Variants in SPMIP11 observed in about 807,000 individuals in gnomAD.
SPMIP11 encodes sperm microtubule inner protein 11.
the SPMIP11 span, among the ~76,000 whole-genome samples, chr12:48,738,507 T>C: frequency 4.6e-5 from 7 of 151,874 alleles, no homozygotes; most frequent in African/African-American, 1.4e-4. Flanking sequence ...TTGAGTATTC[T>C]TATATGGCAC....
the SPMIP11 span, among the ~76,000 whole-genome samples, chr12:48,753,692 CT>C: frequency 0.061 from 7,210 of 118,738 alleles, 74 homozygotes; most frequent in Non-Finnish European, 0.093. Flanking sequence ...TTTTTTTTTT[CT>C]TTTTTTTTTT....
the SPMIP11 span, among the ~76,000 whole-genome samples, chr12:48,732,106 G>A: frequency 2.8e-4 from 42 of 147,758 alleles, no homozygotes; most frequent in Middle Eastern, 3.5e-3. Flanking sequence ...CTGAGATTGC[G>A]CCACTGCACT....
At chr12:48,749,223 CT>C in the SPMIP11 span, among the ~76,000 whole-genome samples, 9 of 150,510 alleles carry the variant, frequency 6.0e-5, no homozygotes, top group East Asian at 1.8e-3. Flanking sequence ...GATCATGCCA[CT>C]GCACTCCAGC....
At chr12:48,753,429 T>G in the SPMIP11 span, among the ~76,000 whole-genome samples, 3 of 152,192 alleles carry the variant, frequency 2.0e-5, no homozygotes, top group Non-Finnish European at 2.9e-5. Context: ...CCAAATGAAT[T>G]TCTTTAAAGA....
chr12:48,770,948 C>G, the SPMIP11 span: 13 of 1,613,992 alleles, frequency 8.1e-6, no homozygotes, highest in Non-Finnish European at 8.5e-7. Context: ...TTCCAGCTGC[C>G]GGAACCGCTC....
chr12:48,734,386 C>T, the SPMIP11 span, among the ~76,000 whole-genome samples: 1 of 152,218 alleles, frequency 6.6e-6, no homozygotes, highest in South Asian at 2.1e-4. Flanking sequence ...TCTGGGATTA[C>T]AGGAGCAAGC....
chr12:48,768,729 G>A, the SPMIP11 span: 2 of 1,613,208 alleles, frequency 1.2e-6, no homozygotes, highest in Non-Finnish European at 8.5e-7. Context: ...GGGGGAGTGG[G>A]AGGGGAGCCC....
At chr12:48,760,000 T>C in the SPMIP11 span, among the ~76,000 whole-genome samples, 1 of 152,050 alleles carries the variant, frequency 6.6e-6, no homozygotes, top group Non-Finnish European at 1.5e-5. Flanking sequence ...AGAGGTTGGT[T>C]TGTCCAGGTT....
chr12:48,737,909 A>G, the SPMIP11 span, among the ~76,000 whole-genome samples: 2 of 151,638 alleles, frequency 1.3e-5, no homozygotes, highest in Non-Finnish European at 1.5e-5. Flanking sequence ...TGCAGCCCCA[A>G]CCTCCCAGGC....
the SPMIP11 span, among the ~76,000 whole-genome samples, chr12:48,756,466 A>T: frequency 3.3e-5 from 5 of 152,094 alleles, no homozygotes; most frequent in Non-Finnish European, 5.9e-5. Context: ...GTTAAAAGAG[A>T]TTTAATTGGA....
At chr12:48,731,092 C>A in the SPMIP11 span, among the ~76,000 whole-genome samples, 1 of 152,206 alleles carries the variant, frequency 6.6e-6, no homozygotes, top group Non-Finnish European at 1.5e-5. Flanking sequence ...TGATGCAGGT[C>A]TTTTTCCTGT....
At chr12:48,750,696 C>G in the SPMIP11 span, among the ~76,000 whole-genome samples, 221 of 152,320 alleles carry the variant, frequency 1.5e-3, 1 homozygote, top group African/African-American at 5.1e-3. Flanking sequence ...CTTGCTTACC[C>G]TGGTCTTTCT....
At chr12:48,758,715 A>G in the SPMIP11 span, among the ~76,000 whole-genome samples, 40 of 152,306 alleles carry the variant, frequency 2.6e-4, no homozygotes, top group South Asian at 7.9e-3. Flanking sequence ...TCCAAATCAA[A>G]TAGCTCTCTG....
chr12:48,741,940 A>T, the SPMIP11 span, among the ~76,000 whole-genome samples: 3 of 152,280 alleles, frequency 2.0e-5, no homozygotes, highest in Admixed American at 2.0e-4. Flanking sequence ...CACCCAGCCA[A>T]CTACCCTATT....
the SPMIP11 span, among the ~76,000 whole-genome samples, chr12:48,734,984 A>G: frequency 2.0e-5 from 3 of 147,272 alleles, no homozygotes; most frequent in Non-Finnish European, 3.0e-5. Context: ...AGCCTGGGCG[A>G]AAAAGCAAGA....
At chr12:48,764,220 C>G in the SPMIP11 span, among the ~76,000 whole-genome samples, 1 of 151,974 alleles carries the variant, frequency 6.6e-6, no homozygotes, top group African/African-American at 2.4e-5. Flanking sequence ...AACTCCCGAC[C>G]TCAGGTGATC....
At chr12:48,758,615 C>T in the SPMIP11 span, among the ~76,000 whole-genome samples, 5 of 152,162 alleles carry the variant, frequency 3.3e-5, no homozygotes, top group Non-Finnish European at 7.3e-5. Flanking sequence ...GAGTGATTCC[C>T]AAACATAATG....
the SPMIP11 span, among the ~76,000 whole-genome samples, chr12:48,760,782 C>T: frequency 6.6e-6 from 1 of 152,196 alleles, no homozygotes; most frequent in Non-Finnish European, 1.5e-5. Flanking sequence ...CTCCCTCGGC[C>T]TCCCAAAGTG....
chr12:48,753,755 G>A, the SPMIP11 span, among the ~76,000 whole-genome samples: 11 of 140,930 alleles, frequency 7.8e-5, no homozygotes, highest in East Asian at 2.2e-3. Flanking sequence ...AGGCTGGAGT[G>A]CAGTGGCGCA....
Sources: allele counts gnomAD v4.1 joint callset (sites outside exome capture counted in the v4.1 genomes callset), GRCh38; gene constraint gnomAD v4.1.1; transcripts MANE v1.5; gene names NCBI Gene and HGNC (gene_info 2026-07-23, HGNC 2026-07-21).